The following SDK1 variants were observed in gnomAD, a reference collection of about 807,000 sequenced individuals.
SDK1 encodes the protein protein sidekick-1.
SDK1 carries 157 observed loss-of-function variants against 245.5 expected under a neutral mutation model. The observed-to-expected ratio is 0.64, with a 90% CI of 0.56 to 0.73. SDK1 has a LOEUF of 0.73. Ranked by LOEUF, SDK1 falls within the 30% of genes least tolerant of loss-of-function variation. SDK1 has a pLI of 0.00. For missense variants in SDK1, 3,583 were observed against 3,002.3 expected, an observed-to-expected ratio of 1.19 and a Z score of -4.52; for synonymous variants, 1,647 against 1,278.5, an observed-to-expected ratio of 1.29 and a Z score of -6.15.
At chr7:3,920,418 C>T (rs557816938) in intron 5 of SDK1, among the ~76,000 whole-genome samples, 6 of 152,084 alleles carry the variant, frequency 3.9e-5, no homozygotes, top group East Asian at 3.9e-4. Flanking sequence ...TCAAGGTCAG[C>T]GGGATTTATG....
At chr7:3,793,520 A>T (rs1325472116) in intron 4 of SDK1, among the ~76,000 whole-genome samples, 2 of 152,170 alleles carry the variant, frequency 1.3e-5, no homozygotes, top group Non-Finnish European at 2.9e-5. Flanking sequence ...TTTCTTTCTT[A>T]GTGCAAACTT....
At chr7:3,335,650 T>C (rs1301751671) in intron 1 of SDK1, among the ~76,000 whole-genome samples, 2 of 152,158 alleles carry the variant, frequency 1.3e-5, no homozygotes, top group Non-Finnish European at 2.9e-5. Flanking sequence ...TAGTAAAATA[T>C]GGGACTGATC....
chr7:3,600,244 A>T (rs1781211919), intron 1 of SDK1, among the ~76,000 whole-genome samples: 1 of 152,142 alleles, frequency 6.6e-6, no homozygotes, highest in Non-Finnish European at 1.5e-5. Context: ...TAGAAATGTG[A>T]TTGATTTTGT....
chr7:4,136,721 G>C (rs1375101722), intron 28 of SDK1, among the ~76,000 whole-genome samples: 1 of 152,208 alleles, frequency 6.6e-6, no homozygotes. Flanking sequence ...GACCCACTTG[G>C]GCCTGCCCTG....
intron 30 of SDK1, among the ~76,000 whole-genome samples, chr7:4,153,392 C>G (rs1191088393): frequency 6.6e-6 from 1 of 152,050 alleles, no homozygotes; most frequent in African/African-American, 2.4e-5. Flanking sequence ...TCGAGCCCAT[C>G]CTGGCCGATA....
chr7:3,797,605 A>C (rs1251824959), intron 4 of SDK1, among the ~76,000 whole-genome samples: 1 of 152,092 alleles, frequency 6.6e-6, no homozygotes, highest in African/African-American at 2.4e-5. Context: ...ACATAGATCT[A>C]ATTTATTCTT....
intron 4 of SDK1, among the ~76,000 whole-genome samples, chr7:3,650,408 T>C (rs1418301266): frequency 2.6e-5 from 4 of 152,224 alleles, no homozygotes; most frequent in East Asian, 1.9e-4. Flanking sequence ...TCTGTCTCTA[T>C]GAATTTGACT....
chr7:3,661,019 TTA>T (rs1442337656), intron 4 of SDK1, among the ~76,000 whole-genome samples: 2 of 152,208 alleles, frequency 1.3e-5, no homozygotes, highest in African/African-American at 4.8e-5. Flanking sequence ...TAGAAATTAC[TTA>T]TGTGAAGCCT....
chr7:3,879,422 C>T (rs960280917), intron 5 of SDK1, among the ~76,000 whole-genome samples: 6 of 152,138 alleles, frequency 3.9e-5, no homozygotes, highest in African/African-American at 4.8e-5. Context: ...TTGCTGCAGC[C>T]GCTGGGCTCA....
chr7:3,331,747 T>C (rs1780074261), intron 1 of SDK1, among the ~76,000 whole-genome samples: 1 of 147,502 alleles, frequency 6.8e-6, no homozygotes, highest in African/African-American at 2.5e-5. Context: ...ACAGTCAACA[T>C]TTTTTTTTTT....
At chr7:3,526,815 C>T (rs140118445) in intron 1 of SDK1, among the ~76,000 whole-genome samples, 84 of 152,274 alleles carry the variant, frequency 5.5e-4, no homozygotes, top group African/African-American at 1.8e-3. Flanking sequence ...ATACAAACCA[C>T]TAGAGTATGC....
At position 3,401,967 on chromosome 7, in the gene SDK1, GA is replaced by G. The variant is rs1421724585; in HGVS notation, c.298+100084del. On this transcript the variant is annotated intron_variant, in intron 1 of 44. Coordinates refer to ENST00000404826, the MANE Select transcript of SDK1 (RefSeq NM_152744.4). Reference sequence around the variant, plus strand: ...TGTAGCTGTCTTTACTGCATCTGTCGATTAGGAGGTAAGAACACCTGCTGAA... The same window carrying G: ...TGTAGCTGTCTTTACTGCATCTGTCGTTAGGAGGTAAGAACACCTGCTGAA... Among the ~76,000 whole-genome samples, 4 of 152,148 alleles carry G rather than the reference GA, an allele frequency of 2.6e-5. No homozygotes were observed. The South Asian group carries it at 6.2e-4, about 24-fold the overall frequency.
intron 1 of SDK1, among the ~76,000 whole-genome samples, chr7:3,393,126 A>G (rs1781804202): frequency 1.3e-5 from 2 of 151,792 alleles, no homozygotes; most frequent in Admixed American, 1.3e-4. Flanking sequence ...GCCTGCCACC[A>G]CGCCTGGCTA....
intron 1 of SDK1, among the ~76,000 whole-genome samples, chr7:3,496,442 C>T (rs977319897): frequency 6.6e-6 from 1 of 151,656 alleles, no homozygotes; most frequent in Non-Finnish European, 1.5e-5. Flanking sequence ...CTCGAGGTAT[C>T]ACGCTGTGTT....
chr7:3,982,654 C>G (rs1783501106), intron 13 of SDK1, among the ~76,000 whole-genome samples: 1 of 151,996 alleles, frequency 6.6e-6, no homozygotes, highest in Admixed American at 6.6e-5. Context: ...TCCTGGCTAA[C>G]ATGGTGCAAC....
chr7:3,730,109 G>GA (rs1479941436), intron 4 of SDK1, among the ~76,000 whole-genome samples: 1 of 152,086 alleles, frequency 6.6e-6, no homozygotes, highest in African/African-American at 2.4e-5. Flanking sequence ...TCCTCATAGA[G>GA]AAAACAGCCC....
In SDK1 at chr7:3,712,864, C is replaced by A. The variant is rs1294191020; in HGVS notation, c.713+70759C>A. On this transcript the variant is annotated intron_variant, in intron 4 of 44. Transcript: ENST00000404826. Reference sequence around the variant, plus strand: ...TGGCCCTGCGACTTGGCCCAGGTGCCCCCACAATATAGACCCCTTGGACCT... The same window carrying A: ...TGGCCCTGCGACTTGGCCCAGGTGCACCCACAATATAGACCCCTTGGACCT... 5.9e-5 allele frequency among the ~76,000 whole-genome samples: 9 copies of A among 152,194 alleles called. No homozygotes were observed. In the East Asian group the frequency reaches 1.7e-3, roughly 29 times the overall value.
chr7:3,910,819 A>G (rs1779136908), intron 5 of SDK1, among the ~76,000 whole-genome samples: 1 of 152,128 alleles, frequency 6.6e-6, no homozygotes, highest in African/African-American at 2.4e-5. Context: ...ATCCAGAAAA[A>G]CTGATTATTC....
At chr7:3,784,005 C>A (rs971636595) in intron 4 of SDK1, among the ~76,000 whole-genome samples, 2 of 151,924 alleles carry the variant, frequency 1.3e-5, no homozygotes, top group African/African-American at 2.4e-5. Context: ...AACAGATCAA[C>A]AGATGAAACA....
Sources: gnomAD v4.1 joint callset for allele counts (sites outside exome capture counted in the v4.1 genomes callset) on GRCh38, gnomAD v4.1.1 for gene constraint, MANE v1.5 for transcripts, NCBI Gene and HGNC (gene_info 2026-07-23, HGNC 2026-07-21) for gene names.